RNFT2: variants seen among roughly 807,000 people sequenced by gnomAD.
RNFT2 encodes E3 ubiquitin-protein ligase RNFT2.
In RNFT2, 36 loss-of-function variants were observed where a neutral mutation model predicts 53.0. The observed-to-expected ratio is 0.68, with a 90% CI of 0.52 to 0.90. The LOEUF is 0.90. Ranked by LOEUF, RNFT2 falls within the 40% of genes least tolerant of loss-of-function variation. The probability of loss-of-function intolerance (pLI) is 0.00; values close to 1 mark genes in which losing one functional copy is unlikely to be tolerated. For missense variants in RNFT2, 514 were observed against 585.6 expected (o/e 0.88, Z 1.26); for synonymous variants, 260 against 253.2 (o/e 1.03, Z -0.26).
intron 7 of RNFT2, among the ~76,000 whole-genome samples, chr12:116,797,934 A>G (rs1042129846): frequency 2.0e-5 from 3 of 152,142 alleles, no homozygotes; most frequent in African/African-American, 7.2e-5. Context: ...TGCCATGGCA[A>G]TGGTAAACTA....
chr12:116,821,536 G>A (rs1282917007), intron 7 of RNFT2, among the ~76,000 whole-genome samples: 1 of 152,194 alleles, frequency 6.6e-6, no homozygotes, highest in Non-Finnish European at 1.5e-5. Context: ...TCCTTGTCCT[G>A]GCCGCCCACT....
chr12:116,814,553 G>A (rs1875546262), intron 7 of RNFT2, among the ~76,000 whole-genome samples: 2 of 152,136 alleles, frequency 1.3e-5, no homozygotes, highest in South Asian at 4.1e-4. Flanking sequence ...AACGTGCTTG[G>A]CAAGGTTAAG....
At chr12:116,836,563 C>T (rs1343037145) in intron 10 of RNFT2, among the ~76,000 whole-genome samples, 1 of 152,152 alleles carries the variant, frequency 6.6e-6, no homozygotes. Context: ...TGAATTTCAG[C>T]AGCATTCTTG....
intron 10 of RNFT2, among the ~76,000 whole-genome samples, chr12:116,845,664 T>C (rs1877575241): frequency 6.6e-6 from 1 of 152,074 alleles, no homozygotes. Context: ...CGGGCCATCA[T>C]AGAGGGTAAT....
At chr12:116,804,699 G>A (rs773481492) in intron 7 of RNFT2, among the ~76,000 whole-genome samples, 5 of 152,250 alleles carry the variant, frequency 3.3e-5, no homozygotes, top group Admixed American at 2.0e-4. Context: ...GGCTGGGTGC[G>A]GTGGCTCACG....
intron 10 of RNFT2, among the ~76,000 whole-genome samples, chr12:116,842,723 A>T (rs1332486474): frequency 6.6e-6 from 1 of 151,878 alleles, no homozygotes; most frequent in Non-Finnish European, 1.5e-5. Context: ...ACAGGCACCC[A>T]CCACCATGCC....
At chr12:116,836,852 C>T (rs886363293) in intron 10 of RNFT2, among the ~76,000 whole-genome samples, 2 of 151,924 alleles carry the variant, frequency 1.3e-5, no homozygotes, top group Non-Finnish European at 2.9e-5. Context: ...ATTGCTTGAA[C>T]GCGGGAGGCA....
chr12:116,799,036 A>C (rs1277950356), intron 7 of RNFT2, among the ~76,000 whole-genome samples: 1 of 150,404 alleles, frequency 6.6e-6, no homozygotes, highest in African/African-American at 2.5e-5. Flanking sequence ...AAGGCCAAAA[A>C]CAAGGTGTTG....
chr12:116,810,142 G>A (rs139688365), intron 7 of RNFT2, among the ~76,000 whole-genome samples: 2 of 152,160 alleles, frequency 1.3e-5, no homozygotes, highest in Admixed American at 1.3e-4. Flanking sequence ...GGAGTTTCAC[G>A]CTGAAAGCTC....
At chr12:116,760,215 C>T (rs1644473299) in intron 5 of RNFT2, among the ~76,000 whole-genome samples, 1 of 152,138 alleles carries the variant, frequency 6.6e-6, no homozygotes, top group Admixed American at 6.5e-5. Flanking sequence ...ACAACAGCCC[C>T]CAGACCATTT....
At chr12:116,742,395 G>C (rs111482789) in intron 3 of RNFT2, among the ~76,000 whole-genome samples, 3 of 150,956 alleles carry the variant, frequency 2.0e-5, no homozygotes, top group Non-Finnish European at 4.4e-5. Context: ...TCAGCCTTCC[G>C]AGTAGCTGGG....
intron 3 of RNFT2, among the ~76,000 whole-genome samples, chr12:116,745,377 A>G (rs1871849084): frequency 6.6e-6 from 1 of 151,694 alleles, no homozygotes; most frequent in Non-Finnish European, 1.5e-5. Context: ...TTTTTGCCAT[A>G]TTGGCCAGGC....
chr12:116,842,080 C>T (rs1877371114), intron 10 of RNFT2, among the ~76,000 whole-genome samples: 1 of 150,156 alleles, frequency 6.7e-6, no homozygotes, highest in Non-Finnish European at 1.5e-5. Context: ...CCTCTCCTGG[C>T]TCAACTTGGG....
At chr12:116,806,803 T>G (rs1875106375) in intron 7 of RNFT2, among the ~76,000 whole-genome samples, 1 of 152,084 alleles carries the variant, frequency 6.6e-6, no homozygotes, top group Non-Finnish European at 1.5e-5. Flanking sequence ...TTTTCTCCTT[T>G]CATCTGTTGC....
Position 116,853,127 on chromosome 12 carries a change from A to T in RNFT2, c.*3679A>T. 2.4e-6 allele frequency: 1 copy of T among 417,658 alleles called. No individual in the cohort carries two copies. 25.9% of individuals were successfully genotyped at this position (417,658 alleles called of 1,614,324 possible). On this transcript the variant is annotated 3_prime_UTR_variant, in exon 11 of 11. Coordinates refer to ENST00000257575, the MANE Select transcript of RNFT2 (RefSeq NM_001382266.1). ...TCTGTCCTAGGGAAAACAGTGTCTG[A>T]TGAGGAGTGTTTCCAACACAGGCTA...
intron 10 of RNFT2, among the ~76,000 whole-genome samples, chr12:116,837,773 A>G (rs538930331): frequency 6.6e-5 from 10 of 152,254 alleles, no homozygotes; most frequent in African/African-American, 2.2e-4. Flanking sequence ...TAACATATCA[A>G]CGTGGGTTTC....
intron 7 of RNFT2, among the ~76,000 whole-genome samples, chr12:116,807,440 C>G (rs1185075915): frequency 1.3e-5 from 2 of 152,162 alleles, no homozygotes; most frequent in Non-Finnish European, 2.9e-5. Flanking sequence ...ATTTCATTCT[C>G]ACAACAATCC....
chr12:116,744,272 T>G (rs1871791681), intron 3 of RNFT2, among the ~76,000 whole-genome samples: 1 of 148,802 alleles, frequency 6.7e-6, no homozygotes, highest in Admixed American at 6.7e-5. Flanking sequence ...GGAGTGAGTG[T>G]GAAGATGCAG....
intron 7 of RNFT2, among the ~76,000 whole-genome samples, chr12:116,820,463 T>C (rs1236037725): frequency 6.6e-6 from 1 of 152,212 alleles, no homozygotes; most frequent in Non-Finnish European, 1.5e-5. Flanking sequence ...ATGTGACCAG[T>C]GGTTACTGGA....
Sources: allele counts gnomAD v4.1 joint callset (sites outside exome capture counted in the v4.1 genomes callset), GRCh38; gene constraint gnomAD v4.1.1; transcripts MANE v1.5; gene names NCBI Gene and HGNC (gene_info 2026-07-23, HGNC 2026-07-21).